The following GLB1 variants were observed in gnomAD, a reference collection of about 807,000 sequenced individuals.
The protein encoded by GLB1 is galactosidase beta 1, also known as beta-galactosidase.
Under a neutral mutation model 74.0 loss-of-function variants are expected in GLB1, and 56 were observed. The observed-to-expected ratio is 0.76, with a 90% confidence interval of 0.61 to 0.94. The LOEUF is 0.94. Ranked by LOEUF, GLB1 falls within the 40% of genes least tolerant of loss-of-function variation. GLB1 has a pLI of 0.00. For synonymous variants in GLB1, 323 were observed against 323.6 expected, an observed-to-expected ratio of 1.00 and a Z score of 0.02; for missense variants, 787 against 845.5, an observed-to-expected ratio of 0.93 and a Z score of 0.86.
At chr3:32,973,797 C>G in the GLB1 span, among the ~76,000 whole-genome samples, 42,039 of 152,050 alleles carry the variant, frequency 0.28, 6,101 homozygotes, top group Middle Eastern at 0.43. Context: ...AAAATAAATA[C>G]TATTTCAAAC....
At position 33,086,747 on chromosome 3, in the gene GLB1, GA is replaced by G. The variant is rs139337865; in HGVS notation, c.75+10263del. ...AAATGTATAAAATTTTAAGACATAT[GA>G]CCCAGATAACTTGAACAAATAAATG... On this transcript the variant is annotated intron_variant, in intron 1 of 15. Transcript: ENST00000307363. Among the ~76,000 whole-genome samples, 341 of 152,144 alleles carry G rather than the reference GA, an allele frequency of 2.2e-3. 3 individuals are homozygous for G. The highest frequency in any genetic ancestry group is 7.8e-3 in the African/African-American group (325 of 41,490).
At chr3:32,999,718 C>T (rs765893727) in intron 15 of GLB1, among the ~76,000 whole-genome samples, 2 of 152,016 alleles carry the variant, frequency 1.3e-5, no homozygotes, top group African/African-American at 4.8e-5. Context: ...AATCCTGGCT[C>T]GCTGCAGCCT....
chr3:33,022,563 G>GCTTTTTTTTT (rs1380045437), intron 11 of GLB1, among the ~76,000 whole-genome samples: 1 of 15,318 alleles, frequency 6.5e-5, no homozygotes, highest in African/African-American at 1.0e-4. Context: ...TACTGGTTAG[G>GCTTTTTTTTT]ATTTTTTTTT....
the GLB1 span, among the ~76,000 whole-genome samples, chr3:32,977,355 A>G: frequency 6.6e-6 from 1 of 151,666 alleles, no homozygotes; most frequent in African/African-American, 2.4e-5. Flanking sequence ...ACAGGCGCCC[A>G]CCACCACACC....
chr3:32,995,483 T>C (rs894994816), downstream of GLB1, among the ~76,000 whole-genome samples: 4 of 152,078 alleles, frequency 2.6e-5, no homozygotes, highest in Non-Finnish European at 4.4e-5. Context: ...AAAGGTACTA[T>C]GGAAAAACGT....
At chr3:32,991,595 C>A in the GLB1 span, among the ~76,000 whole-genome samples, 1 of 152,212 alleles carries the variant, frequency 6.6e-6, no homozygotes, top group African/African-American at 2.4e-5. Flanking sequence ...AATGGCCATG[C>A]AGCTTCCACC....
intron 1 of GLB1, chr3:33,077,277 AG>A (rs1700147616): frequency 6.4e-7 from 1 of 1,573,030 alleles, no homozygotes; most frequent in Non-Finnish European, 8.6e-7. Context: ...GTGGCAGGGC[AG>A]GAGGGTTCTG....
At chr3:33,061,115 T>C (rs1322545578) in intron 5 of GLB1, among the ~76,000 whole-genome samples, 1 of 152,246 alleles carries the variant, frequency 6.6e-6, no homozygotes, top group Admixed American at 6.5e-5. Flanking sequence ...ACAAACTTTT[T>C]GAATAAAACA....
chr3:32,979,150 A>G, the GLB1 span, among the ~76,000 whole-genome samples: 1 of 151,654 alleles, frequency 6.6e-6, no homozygotes, highest in African/African-American at 2.4e-5. Flanking sequence ...CTAATTTTGT[A>G]TTTTTAGTAG....
At chr3:32,975,860 C>T in the GLB1 span, among the ~76,000 whole-genome samples, 1 of 152,196 alleles carries the variant, frequency 6.6e-6, no homozygotes, top group Non-Finnish European at 1.5e-5. Context: ...TAAGAAAGAA[C>T]AAAAGACTGT....
chr3:33,045,340 T>C, intron 10 of GLB1: 1 of 981,184 alleles, frequency 1.0e-6, no homozygotes, highest in Non-Finnish European at 1.2e-6. Context: ...ATTTTTAAAC[T>C]GTACAAGTCT....
intron 10 of GLB1, among the ~76,000 whole-genome samples, chr3:33,038,238 T>A (rs1698364348): frequency 6.6e-6 from 1 of 152,164 alleles, no homozygotes; most frequent in South Asian, 2.1e-4. Flanking sequence ...CCTCTAGCAT[T>A]TAACACGGAA....
At chr3:33,039,704 T>C (rs1054531034) in intron 10 of GLB1, among the ~76,000 whole-genome samples, 1 of 152,156 alleles carries the variant, frequency 6.6e-6, no homozygotes, top group Non-Finnish European at 1.5e-5. Flanking sequence ...AAACATAACA[T>C]TGGATGAGAT....
At chr3:32,992,973 G>T (rs1696248793), downstream of GLB1, among the ~76,000 whole-genome samples, 1 of 152,210 alleles carries the variant, frequency 6.6e-6, no homozygotes, top group African/African-American at 2.4e-5. Flanking sequence ...CCACTGTCTG[G>T]ACATCGGGGC....
intron 1 of GLB1, 116 bp downstream of exon 1, chr3:33,096,895 C>T: frequency 1.3e-6 from 2 of 1,501,328 alleles, no homozygotes; most frequent in South Asian, 2.5e-5. Flanking sequence ...CTGGGGGGCA[C>T]TTCGGGGCTC....
In GLB1 at chr3:33,053,557, T is replaced by C. The variant is rs398123357; in HGVS notation, c.734-8A>G. ...CATCTGTGATGTTGCTGCCTGAAAA[T>C]TGTAAGAGGGAGAAGGTAGGTCAGT... On this transcript the variant is annotated splice_region_variant and splice_polypyrimidine_tract_variant and intron_variant, in intron 6 of 15. Transcript: ENST00000307363. 8.7e-6 allele frequency: 14 copies of C among 1,613,934 alleles called. No homozygotes were observed. Among genetic ancestry groups the C allele is most frequent in the Non-Finnish European group, 1.1e-5 (13 of 1,180,008 alleles).
chr3:32,967,032 G>A, the GLB1 span, among the ~76,000 whole-genome samples: 1 of 152,104 alleles, frequency 6.6e-6, no homozygotes, highest in Admixed American at 6.5e-5. Context: ...AATACTTAAT[G>A]GTGCAAGATG....
chr3:33,059,602 T>A (rs1244949280), intron 5 of GLB1, among the ~76,000 whole-genome samples: 5 of 151,816 alleles, frequency 3.3e-5, no homozygotes. Flanking sequence ...GTGGTAAAAG[T>A]ATAAAGAAAA....
intron 10 of GLB1, among the ~76,000 whole-genome samples, chr3:33,043,357 G>A (rs1304243160): frequency 1.5e-4 from 23 of 152,242 alleles, no homozygotes; most frequent in African/African-American, 3.9e-4. Context: ...CTGCGCTCCC[G>A]TTGCCTAAAT....
Sources: allele counts gnomAD v4.1 joint callset (sites outside exome capture counted in the v4.1 genomes callset), GRCh38; gene constraint gnomAD v4.1.1; transcripts MANE v1.5; gene names NCBI Gene and HGNC (gene_info 2026-07-23, HGNC 2026-07-21).